The following SMAD9 variants were observed in gnomAD, a reference collection of about 807,000 sequenced individuals.
SMAD9 encodes SMAD family member 9, also known as MAD homolog 9.
SMAD9 carries 36 observed loss-of-function variants against 46.1 expected under a neutral mutation model. The observed-to-expected ratio is 0.78, with a 90% CI of 0.60 to 1.03. The LOEUF is 1.03. SMAD9 is among the 50% of genes least tolerant of loss of function. SMAD9 has a pLI of 0.00. For synonymous variants in SMAD9, 245 were observed against 237.1 expected, an observed-to-expected ratio of 1.03 and a Z score of -0.31; for missense variants, 572 against 599.8, an observed-to-expected ratio of 0.95 and a Z score of 0.48.
At chr13:36,889,547 A>G (rs908324874) in intron 1 of SMAD9, among the ~76,000 whole-genome samples, 4 of 152,302 alleles carry the variant, frequency 2.6e-5, no homozygotes, top group South Asian at 2.1e-4. Flanking sequence ...CTTAATATAG[A>G]TCTCCCTCTA....
At position 36,871,715 on chromosome 13, in the gene SMAD9, C is replaced by G. The variant is rs562478505; in HGVS notation, c.670+943G>C. ...ACAAATATAATAGATGCTTATGTAA[C>G]TTGCTGAGGAGCAAAAGGAACTAAG... On this transcript the variant is annotated intron_variant, in intron 3 of 6. Coordinates refer to ENST00000379826, the MANE Select transcript of SMAD9 (RefSeq NM_001127217.3). Among the ~76,000 whole-genome samples the G allele has an allele frequency of 1.3e-4, 20 of 152,264 alleles. No homozygotes were observed. In the South Asian group the frequency reaches 4.1e-3, roughly 32 times the overall value.
chr13:36,887,978 A>G (rs1364415086), intron 1 of SMAD9, among the ~76,000 whole-genome samples: 1 of 152,132 alleles, frequency 6.6e-6, no homozygotes, highest in Admixed American at 6.5e-5. Context: ...TTCTGCATAG[A>G]AAACAAAAGG....
chr13:36,860,561 T>C (rs753969750), intron 5 of SMAD9, among the ~76,000 whole-genome samples: 2 of 151,720 alleles, frequency 1.3e-5, no homozygotes, highest in Non-Finnish European at 2.9e-5. Flanking sequence ...GCCACTCTTC[T>C]GCCTCAGCCT....
At chr13:36,873,574 G>A (rs188400534) in intron 2 of SMAD9, among the ~76,000 whole-genome samples, 3 of 152,280 alleles carry the variant, frequency 2.0e-5, no homozygotes, top group Admixed American at 6.5e-5. Context: ...AGTAAAAGAT[G>A]AGCAGCAGCA....
At chr13:36,905,875 G>A (rs931847266) in intron 1 of SMAD9, among the ~76,000 whole-genome samples, 3 of 149,656 alleles carry the variant, frequency 2.0e-5, no homozygotes, top group African/African-American at 4.9e-5. Flanking sequence ...AATAAAGATA[G>A]GGTCTCGCTA....
chr13:36,897,275 T>C (rs1292306202), intron 1 of SMAD9, among the ~76,000 whole-genome samples: 1 of 152,038 alleles, frequency 6.6e-6, no homozygotes, highest in Non-Finnish European at 1.5e-5. Flanking sequence ...TTGGACTTAT[T>C]TATAGATATT....
intron 3 of SMAD9, among the ~76,000 whole-genome samples, chr13:36,870,968 T>C (rs760862577): frequency 2.0e-5 from 3 of 152,162 alleles, no homozygotes; most frequent in Admixed American, 1.3e-4. Flanking sequence ...CTGGATAGGA[T>C]GGCACGAAGT....
intron 5 of SMAD9, among the ~76,000 whole-genome samples, chr13:36,856,047 G>C (rs767124051): frequency 6.6e-6 from 1 of 152,154 alleles, no homozygotes; most frequent in African/African-American, 2.4e-5. Flanking sequence ...GTGGTGCCAG[G>C]GGGCAGAAGG....
chr13:36,872,554 A>G (rs1425339211), intron 3 of SMAD9, 104 bp downstream of exon 3: 8 of 1,313,602 alleles, frequency 6.1e-6, no homozygotes, highest in Non-Finnish European at 8.8e-6. Flanking sequence ...TGTTTATACT[A>G]TATGAATGAC....
At chr13:36,891,680 A>G (rs1218752779) in intron 1 of SMAD9, among the ~76,000 whole-genome samples, 1 of 152,210 alleles carries the variant, frequency 6.6e-6, no homozygotes, top group African/African-American at 2.4e-5. Context: ...TCCCTAGGTC[A>G]GAGCTGGATG....
At chr13:36,883,688 T>G (rs376053520) in intron 1 of SMAD9, among the ~76,000 whole-genome samples, 2,559 of 152,228 alleles carry the variant, frequency 0.017, 66 homozygotes, top group African/African-American at 0.058. Flanking sequence ...GAATCGGAAG[T>G]TGCAGTGAGT....
At chr13:36,885,747 G>A (rs1042927738) in intron 1 of SMAD9, among the ~76,000 whole-genome samples, 1 of 151,728 alleles carries the variant, frequency 6.6e-6, no homozygotes, top group African/African-American at 2.4e-5. Context: ...CATTTGAATT[G>A]TATGCTCATT....
At chr13:36,917,990 TAA>T (rs67194261) in intron 1 of SMAD9, among the ~76,000 whole-genome samples, 58,827 of 151,878 alleles carry the variant, frequency 0.39, 13,258 homozygotes, top group Non-Finnish European at 0.49. Context: ...ACATGATTAG[TAA>T]AGATAGTGTA....
intron 1 of SMAD9, among the ~76,000 whole-genome samples, chr13:36,909,543 C>T (rs2058643907): frequency 6.6e-6 from 1 of 152,100 alleles, no homozygotes; most frequent in Non-Finnish European, 1.5e-5. Context: ...CACTGTATGC[C>T]ACCCCACAAA....
intron 1 of SMAD9, among the ~76,000 whole-genome samples, chr13:36,904,915 A>G (rs983231187): frequency 6.6e-6 from 1 of 152,234 alleles, no homozygotes. Flanking sequence ...TGCTTAATAC[A>G]TATTAATTAT....
chr13:36,848,870 TCCAGAGCCCCAGGCAGAG>T, intron 6 of SMAD9, 51 bp from the exon 7 acceptor site: 1 of 1,598,456 alleles, frequency 6.3e-7, no homozygotes, highest in Non-Finnish European at 8.5e-7. Context: ...ACACTCAGCC[TCCAGAGCCCCAGGCAGAG>T]CTCAGCGGGG....
At chr13:36,863,874 A>C (rs2058207104) in intron 5 of SMAD9, among the ~76,000 whole-genome samples, 1 of 152,154 alleles carries the variant, frequency 6.6e-6, no homozygotes, top group South Asian at 2.1e-4. Flanking sequence ...ACCCAGTCTC[A>C]GGTATTCCTT....
chr13:36,853,457 G>T lies in SMAD9; in HGVS notation c.1222C>A (p.Leu408Met), dbSNP rs762362273. 3 of 1,613,978 alleles carry T rather than the reference G, an allele frequency of 1.9e-6. No homozygotes were observed. In the African/African-American group the frequency reaches 4.0e-5, roughly 22 times the overall value. ...VHHGFEVVYE[L>M]TKMCTIRMSF... The stretch of plus-strand genomic sequence containing the variant: ...ATCCGGATAGTACACATCTTGGTCA[G>T]TTCATACACGACTTCAAAGCCGTGG... The change falls in exon 6 of 7, where the codon CTG (leucine) becomes ATG (methionine). Residue 408 changes from leucine to methionine, a missense_variant. Physicochemically the swap from Leu to Met is conservative, Grantham distance 15 (BLOSUM62 2). Transcript: ENST00000379826.
chr13:36,884,987 C>T (rs1029664438), intron 1 of SMAD9, among the ~76,000 whole-genome samples: 1 of 152,216 alleles, frequency 6.6e-6, no homozygotes, highest in African/African-American at 2.4e-5. Context: ...GATAAAACAT[C>T]ATGATTTCCT....
Sources: gnomAD v4.1 joint callset for allele counts (sites outside exome capture counted in the v4.1 genomes callset) on GRCh38, gnomAD v4.1.1 for gene constraint, MANE v1.5 for transcripts, NCBI Gene and HGNC (gene_info 2026-07-23, HGNC 2026-07-21) for gene names.